The following ABTB3 variants were observed in gnomAD, a reference collection of about 807,000 sequenced individuals.
ABTB3 encodes the protein ankyrin repeat and BTB domain containing 3.
the ABTB3 span, among the ~76,000 whole-genome samples, chr12:107,582,402 C>T: frequency 1.3e-5 from 2 of 152,150 alleles, no homozygotes; most frequent in Non-Finnish European, 2.9e-5. Context: ...ATAATAGAGT[C>T]AGGATATGAA....
At chr12:107,518,246 C>A in the ABTB3 span, among the ~76,000 whole-genome samples, 25 of 152,080 alleles carry the variant, frequency 1.6e-4, no homozygotes, top group Non-Finnish European at 3.2e-4. Context: ...TTTGACCCAG[C>A]CATCCCATTA....
the ABTB3 span, among the ~76,000 whole-genome samples, chr12:107,440,089 C>T: frequency 9.9e-5 from 15 of 152,206 alleles, no homozygotes; most frequent in African/African-American, 1.4e-4. Flanking sequence ...CACCTCCCCC[C>T]GCCGCTCCTT....
chr12:107,535,123 A>C, the ABTB3 span, among the ~76,000 whole-genome samples: 2 of 152,206 alleles, frequency 1.3e-5, no homozygotes, highest in African/African-American at 4.8e-5. Context: ...CTAGAAATGC[A>C]AGGAAATTCA....
chr12:107,580,865 T>A, the ABTB3 span: 2 of 1,548,024 alleles, frequency 1.3e-6, no homozygotes, highest in South Asian at 1.2e-5. Context: ...CCAGATCAGT[T>A]ACCTCCTAGC....
the ABTB3 span, among the ~76,000 whole-genome samples, chr12:107,323,469 G>A: frequency 6.6e-6 from 1 of 152,226 alleles, no homozygotes; most frequent in South Asian, 2.1e-4. Flanking sequence ...GTTTGCTGTG[G>A]GCATGAACTT....
chr12:107,506,751 G>A, the ABTB3 span, among the ~76,000 whole-genome samples: 1 of 152,170 alleles, frequency 6.6e-6, no homozygotes, highest in Non-Finnish European at 1.5e-5. Flanking sequence ...TTTAGGGCTT[G>A]TATGGTGTTT....
the ABTB3 span, among the ~76,000 whole-genome samples, chr12:107,623,638 A>G: frequency 6.6e-6 from 1 of 152,072 alleles, no homozygotes; most frequent in Non-Finnish European, 1.5e-5. Flanking sequence ...AAGTGCTGGG[A>G]TTACAGGCAT....
At chr12:107,343,235 G>A in the ABTB3 span, among the ~76,000 whole-genome samples, 32 of 151,940 alleles carry the variant, frequency 2.1e-4, no homozygotes, top group Non-Finnish European at 2.4e-4. Flanking sequence ...GGCCAGTCTC[G>A]AACTCCTGGG....
At chr12:107,659,022 T>C in the ABTB3 span, 1 of 152,522 alleles carries the variant, frequency 6.6e-6, no homozygotes, top group Non-Finnish European at 1.5e-5. Flanking sequence ...AGATAACTTT[T>C]CAGTTGCGGC....
the ABTB3 span, among the ~76,000 whole-genome samples, chr12:107,537,319 C>T: frequency 4.6e-5 from 7 of 152,184 alleles, no homozygotes; most frequent in East Asian, 1.9e-4. Context: ...TTCTATTCCA[C>T]TGTAGGGTGA....
At chr12:107,408,731 A>G in the ABTB3 span, among the ~76,000 whole-genome samples, 10 of 152,192 alleles carry the variant, frequency 6.6e-5, no homozygotes, top group Non-Finnish European at 1.3e-4. Context: ...GCCTCGGGGA[A>G]AGAGCGTGAG....
chr12:107,567,829 C>T, the ABTB3 span, among the ~76,000 whole-genome samples: 1 of 152,182 alleles, frequency 6.6e-6, no homozygotes, highest in Admixed American at 6.5e-5. Flanking sequence ...AGTTTTATCC[C>T]AAAACCATTC....
the ABTB3 span, among the ~76,000 whole-genome samples, chr12:107,496,307 C>T: frequency 1.3e-5 from 2 of 152,194 alleles, no homozygotes; most frequent in African/African-American, 4.8e-5. Flanking sequence ...TCCCTCAAAC[C>T]AGACCAGCTC....
chr12:107,457,580 A>G, the ABTB3 span, among the ~76,000 whole-genome samples: 1 of 152,208 alleles, frequency 6.6e-6, no homozygotes, highest in Non-Finnish European at 1.5e-5. Flanking sequence ...ATCTTGTTAG[A>G]GCAGAAAAAA....
chr12:107,446,757 G>A, the ABTB3 span, among the ~76,000 whole-genome samples: 12 of 152,244 alleles, frequency 7.9e-5, no homozygotes, highest in East Asian at 5.8e-4. Flanking sequence ...ACAAAGAGGC[G>A]GGACTCAAAT....
At chr12:107,650,505 T>C in the ABTB3 span, 1 of 152,234 alleles carries the variant, frequency 6.6e-6, no homozygotes, top group Non-Finnish European at 1.5e-5. Flanking sequence ...GGCTTATTTG[T>C]AAACAAAAGT....
the ABTB3 span, among the ~76,000 whole-genome samples, chr12:107,481,151 T>C: frequency 6.6e-6 from 1 of 152,156 alleles, no homozygotes; most frequent in East Asian, 1.9e-4. Flanking sequence ...GTATCAATAG[T>C]ACCAAGGTGG....
At chr12:107,386,017 A>AC in the ABTB3 span, among the ~76,000 whole-genome samples, 2 of 115,878 alleles carry the variant, frequency 1.7e-5, no homozygotes, top group Non-Finnish European at 3.8e-5. Flanking sequence ...TGTGACCTTG[A>AC]CCCAGGGTTC....
At chr12:107,634,268 A>G in the ABTB3 span, among the ~76,000 whole-genome samples, 1 of 152,234 alleles carries the variant, frequency 6.6e-6, no homozygotes, top group African/African-American at 2.4e-5. Context: ...TTTAAAATTC[A>G]AAAGAATATT....
Sources: allele counts gnomAD v4.1 joint callset (sites outside exome capture counted in the v4.1 genomes callset), GRCh38; gene constraint gnomAD v4.1.1; transcripts MANE v1.5; gene names NCBI Gene and HGNC (gene_info 2026-07-23, HGNC 2026-07-21).